ECT2L: variants seen among roughly 807,000 people sequenced by gnomAD.
ECT2L encodes the protein epithelial cell transforming 2 like, also known as epithelial cell-transforming sequence 2 oncogene-like.
A neutral mutation model predicts 122.8 loss-of-function variants in ECT2L; 126 were observed. That is an observed-to-expected ratio of 1.03 (90% CI 0.89 to 1.19). The LOEUF (loss-of-function observed/expected upper bound fraction) is 1.19, where lower values mean the gene tolerates loss of function less well. Ranked by LOEUF, ECT2L falls within the 50% of genes most tolerant of loss-of-function variation. ECT2L has a pLI of 0.00. For missense variants in ECT2L, 1,012 were observed against 1,064.1 expected, an observed-to-expected ratio of 0.95 and a Z score of 0.68; for synonymous variants, 385 against 381.8, an observed-to-expected ratio of 1.01 and a Z score of -0.10.
At chr6:138,850,198 C>T (rs764491797) in intron 9 of ECT2L, among the ~76,000 whole-genome samples, 3 of 151,682 alleles carry the variant, frequency 2.0e-5, no homozygotes, top group Non-Finnish European at 2.9e-5. Context: ...TGGAGTGCAG[C>T]GGCACAATCT....
Position 138,818,876 on chromosome 6 carries a change from G to A in ECT2L, c.179+4273G>A, listed in dbSNP as rs527684117. 3.0e-4 allele frequency among the ~76,000 whole-genome samples: 46 copies of A among 152,162 alleles called. 1 individual carries two copies. The highest frequency in any genetic ancestry group is 2.8e-3 in the Admixed American group (42 of 15,264). Reference sequence around the variant, plus strand: ...GAACCTGACAAGATATCCGGGGGTGGGGGGTTCTTCCTAAACTGACTTAAC... The same window carrying A: ...GAACCTGACAAGATATCCGGGGGTGAGGGGTTCTTCCTAAACTGACTTAAC... On this transcript the variant is annotated intron_variant, in intron 4 of 21. Transcript: ENST00000541398.
At chr6:138,801,377 A>G (rs1177322950) in intron 1 of ECT2L, among the ~76,000 whole-genome samples, 1 of 152,156 alleles carries the variant, frequency 6.6e-6, no homozygotes, top group Non-Finnish European at 1.5e-5. Context: ...TTTTTCAGTA[A>G]AGGCCCAGAT....
chr6:138,868,035 G>A, intron 12 of ECT2L, 68 bp from the exon 13 acceptor site: 1 of 900,078 alleles, frequency 1.1e-6, no homozygotes, highest in Non-Finnish European at 1.7e-6. Flanking sequence ...TGTGAGGACT[G>A]AGTTGTTGTT....
intron 1 of ECT2L, among the ~76,000 whole-genome samples, chr6:138,800,557 ATC>A (rs201255041): frequency 0.031 from 4,716 of 152,306 alleles, 116 homozygotes; most frequent in Non-Finnish European, 0.052. Context: ...TGAAAGAATA[ATC>A]TGTCAAATCT....
At chr6:138,814,399 G>T in intron 3 of ECT2L, 92 bp from the exon 4 acceptor site, 1 of 703,798 alleles carries the variant, frequency 1.4e-6, no homozygotes. Context: ...AATATTAGCT[G>T]TGAGGTTGCT....
intron 4 of ECT2L, among the ~76,000 whole-genome samples, chr6:138,835,876 C>T (rs1200703835): frequency 6.6e-6 from 1 of 152,200 alleles, no homozygotes; most frequent in African/African-American, 2.4e-5. Context: ...TATTTAGTTT[C>T]CATGTCTCTA....
At chr6:138,876,739 A>G (rs1432383580) in intron 14 of ECT2L, among the ~76,000 whole-genome samples, 181 bp downstream of exon 14, 1 of 152,014 alleles carries the variant, frequency 6.6e-6, no homozygotes, top group Non-Finnish European at 1.5e-5. Context: ...AATAAGCCCC[A>G]GACTGAAAAG....
Position 138,846,518 on chromosome 6 carries a change from A to G in ECT2L, c.765-21A>G, listed in dbSNP as rs200793825. On this transcript the variant is annotated intron_variant, in intron 7 of 21. Transcript: ENST00000541398. Reference sequence around the variant, plus strand: ...AGGTAAGAGAAAATGAAAACTTCTCATATTTCCTTTTACTCCATAGAAGCA... The same window carrying G: ...AGGTAAGAGAAAATGAAAACTTCTCGTATTTCCTTTTACTCCATAGAAGCA... The G allele has an allele frequency of 4.9e-5, 76 of 1,556,608 alleles. No individual in the cohort carries two copies. In the African/African-American group the frequency reaches 9.1e-4, roughly 19 times the overall value.
rs1562476021 is a variant in ECT2L at position 138,854,021 on chromosome 6, C to T, written c.1070-5C>T. On this transcript the variant is annotated splice_region_variant and splice_polypyrimidine_tract_variant and intron_variant, in intron 9 of 21. Coordinates refer to ENST00000541398, the MANE Select transcript of ECT2L (RefSeq NM_001077706.3). The stretch of plus-strand genomic sequence containing the variant: ...TAATATGACATTTTGATTTTTTTTC[C>T]TCAGGCTATAAAATTGGTGTTAAAA... 2 of 1,608,272 alleles carry T rather than the reference C, an allele frequency of 1.2e-6. No individual in the cohort carries two copies. The highest frequency in any genetic ancestry group is 8.5e-7 in the Non-Finnish European group (1 of 1,177,944).
intron 11 of ECT2L, 31 bp downstream of exon 11, chr6:138,862,750 C>T: frequency 6.3e-7 from 1 of 1,574,892 alleles, no homozygotes; most frequent in South Asian, 1.1e-5. Flanking sequence ...GCGCCACGTC[C>T]AATAACACAA....
chr6:138,821,899 C>T (rs569872996), intron 4 of ECT2L, among the ~76,000 whole-genome samples: 11 of 152,334 alleles, frequency 7.2e-5, no homozygotes, highest in Non-Finnish European at 1.0e-4. Context: ...GGTTTGAAGA[C>T]GGAGGAAGAG....
chr6:138,810,839 TAG>T (rs1490057514), intron 1 of ECT2L, among the ~76,000 whole-genome samples: 2 of 152,224 alleles, frequency 1.3e-5, no homozygotes, highest in South Asian at 2.1e-4. Context: ...CCTGTATCTA[TAG>T]AGAGACCCTT....
At chr6:138,884,766 C>T (rs1166313589) in intron 16 of ECT2L, among the ~76,000 whole-genome samples, 3 of 152,068 alleles carry the variant, frequency 2.0e-5, no homozygotes, top group South Asian at 4.1e-4. Context: ...TCTTACTATA[C>T]TGAAATAACA....
intron 11 of ECT2L, among the ~76,000 whole-genome samples, chr6:138,863,466 T>C (rs1777909803): frequency 6.6e-6 from 1 of 152,162 alleles, no homozygotes; most frequent in Admixed American, 6.5e-5. Flanking sequence ...CCTAACATAG[T>C]TTTGAAGCAG....
At chr6:138,796,292 A>T (rs979603175) in intron 1 of ECT2L, 100 bp downstream of exon 1, 6 of 152,124 alleles carry the variant, frequency 3.9e-5, no homozygotes, top group African/African-American at 1.2e-4. Context: ...GCCCAGGAAG[A>T]CCCTAAGCAG....
chr6:138,841,582 C>T (rs1337222835), intron 5 of ECT2L, among the ~76,000 whole-genome samples: 2 of 152,220 alleles, frequency 1.3e-5, no homozygotes, highest in African/African-American at 4.8e-5. Context: ...GTCCTTTCTT[C>T]CCTGTGAGAA....
chr6:138,852,839 T>C (rs1353735246), intron 9 of ECT2L, among the ~76,000 whole-genome samples: 2 of 152,178 alleles, frequency 1.3e-5, no homozygotes, highest in Non-Finnish European at 1.5e-5. Flanking sequence ...GTTTATATGA[T>C]GGGAGTAAGT....
At chr6:138,819,301 CTT>C (rs200640503) in intron 4 of ECT2L, among the ~76,000 whole-genome samples, 1 of 150,550 alleles carries the variant, frequency 6.6e-6, no homozygotes, top group African/African-American at 2.4e-5. Context: ...AGCCAAAGCT[CTT>C]TTTTTTTGTG....
At chr6:138,803,212 G>T (rs1479054382) in intron 1 of ECT2L, among the ~76,000 whole-genome samples, 1 of 151,622 alleles carries the variant, frequency 6.6e-6, no homozygotes, top group East Asian at 1.9e-4. Context: ...CCATGATTGT[G>T]CCAAAGCACT....
Sources: allele counts gnomAD v4.1 joint callset (sites outside exome capture counted in the v4.1 genomes callset), GRCh38; gene constraint gnomAD v4.1.1; transcripts MANE v1.5; gene names NCBI Gene and HGNC (gene_info 2026-07-23, HGNC 2026-07-21).